The following SNX9 variants were observed in gnomAD, a reference collection of about 807,000 sequenced individuals.
SNX9 encodes the protein sorting nexin-9.
SNX9 carries 44 observed loss-of-function variants against 89.4 expected under a neutral mutation model. That is an observed-to-expected ratio of 0.49 (90% CI 0.39 to 0.63). The LOEUF (loss-of-function observed/expected upper bound fraction) is 0.63. Ranked by LOEUF, SNX9 falls within the 30% of genes least tolerant of loss-of-function variation. SNX9 has a pLI of 0.00. For synonymous variants in SNX9, 236 were observed against 247.8 expected (o/e 0.95, Z 0.45); for missense variants, 578 against 736.1 (o/e 0.79, Z 2.49).
intron 12 of SNX9, 35 bp downstream of exon 12, chr6:157,928,737 G>C (rs369231830): frequency 3.4e-5 from 50 of 1,489,680 alleles, no homozygotes; most frequent in Non-Finnish European, 4.4e-5. Context: ...TGGGCTCGTA[G>C]GGGGTGATGC....
intron 7 of SNX9, among the ~76,000 whole-genome samples, chr6:157,908,700 T>C (rs1783271478): frequency 6.6e-6 from 1 of 152,216 alleles, no homozygotes; most frequent in Non-Finnish European, 1.5e-5. Context: ...GCAGACCTAT[T>C]GTCACCTAGC....
chr6:157,921,783 G>A (rs928215918), intron 10 of SNX9, 122 bp downstream of exon 10: 3 of 1,150,388 alleles, frequency 2.6e-6, no homozygotes, highest in Non-Finnish European at 3.6e-6. Context: ...TCCAGTGACA[G>A]TGAGGGGACA....
intron 10 of SNX9, among the ~76,000 whole-genome samples, chr6:157,922,187 G>A (rs1262863239): frequency 6.6e-6 from 1 of 152,198 alleles, no homozygotes; most frequent in East Asian, 1.9e-4. Flanking sequence ...TAGTCTGCCA[G>A]TGGTCATCTG....
rs114008739 is a variant in SNX9, at chr6:157,912,154, A to G, written c.949+2129A>G. Among the ~76,000 whole-genome samples, 625 of 152,362 alleles carry G rather than the reference A, an allele frequency of 4.1e-3. 4 individuals carry two copies. The highest frequency in any genetic ancestry group is 0.014 in the African/African-American group (597 of 41,578). On this transcript the variant is annotated intron_variant, in intron 9 of 17. Coordinates refer to ENST00000392185, the MANE Select transcript of SNX9 (RefSeq NM_016224.5). ...TTCAATCACAGTTTTCTCTTAAAAA[A>G]TACAGATTTCTTTCCATGAAAACTT... is the stretch of plus-strand genomic sequence containing the variant.
chr6:157,849,761 GAA>G (rs1181697937), intron 1 of SNX9, among the ~76,000 whole-genome samples: 1 of 152,150 alleles, frequency 6.6e-6, no homozygotes, highest in East Asian at 1.9e-4. Flanking sequence ...GTTCCATCTA[GAA>G]GGCTGGGGAA....
chr6:157,848,293 C>T (rs1434551610), intron 1 of SNX9, among the ~76,000 whole-genome samples: 1 of 152,102 alleles, frequency 6.6e-6, no homozygotes, highest in Admixed American at 6.5e-5. Flanking sequence ...GCTTTACCCA[C>T]CCAGAGAATG....
At chr6:157,836,887 G>A (rs890418050) in intron 1 of SNX9, among the ~76,000 whole-genome samples, 70 of 152,220 alleles carry the variant, frequency 4.6e-4, no homozygotes, top group African/African-American at 1.6e-3. Flanking sequence ...CACCGCGCCC[G>A]GCCGAGAACA....
At chr6:157,852,430 C>T (rs956194987) in intron 1 of SNX9, among the ~76,000 whole-genome samples, 4 of 152,118 alleles carry the variant, frequency 2.6e-5, no homozygotes, top group African/African-American at 9.7e-5. Context: ...TCCCTCCCTC[C>T]CTTCCTCCTC....
chr6:157,923,428 T>TAAAA (rs71788446), intron 10 of SNX9, among the ~76,000 whole-genome samples: 1 of 148,180 alleles, frequency 6.7e-6, no homozygotes, highest in Non-Finnish European at 1.5e-5. Flanking sequence ...ATTGAAAATC[T>TAAAA]AAAAAAAAAA....
rs1784024375 is a variant in SNX9 at position 157,940,978 on chromosome 6, A to G, written c.1740+4A>G. 1 of 1,613,890 alleles carries G rather than the reference A, an allele frequency of 6.2e-7. No homozygotes were observed. On this transcript the variant is annotated splice_donor_region_variant and intron_variant, in intron 17 of 17. Transcript: ENST00000392185. ...GCAAGTGCAATTTTACGAAACGGTG[A>G]GTGGGCGTCCACGTGCCTTTCGCAT... is the stretch of plus-strand genomic sequence containing the variant.
chr6:157,882,075 G>T (rs1782636848), intron 4 of SNX9, among the ~76,000 whole-genome samples: 1 of 152,168 alleles, frequency 6.6e-6, no homozygotes, highest in South Asian at 2.1e-4. Flanking sequence ...AAGTTTCAAA[G>T]AACAGGCTGA....
At position 157,909,770 on chromosome 6, in the gene SNX9, G is replaced by A. The variant is rs370427895; in HGVS notation, c.811G>A (p.Glu271Lys). The A allele has an allele frequency of 5.6e-6, 9 of 1,614,010 alleles. No individual in the cohort carries two copies. Among genetic ancestry groups the A allele is most frequent in the Non-Finnish European group, 5.1e-6 (6 of 1,180,034 alleles). Residue 271 changes from glutamate (E) to lysine (K), a missense_variant, in exon 8 of 18, where the codon GAA (glutamate) becomes AAA (lysine). Glu to Lys is a moderately conservative substitution (Grantham distance 56). Around this residue, in one of 2 missense-constraint regions of SNX9, gnomAD observed 348 missense variants for 491.4 expected, o/e 0.71. Coordinates refer to ENST00000392185, the MANE Select transcript of SNX9 (RefSeq NM_016224.5). ...SKMYGLKSYI[E>K]YQLTPTNTNR... ...AATGTATGGTCTAAAGAGCTACATC[G>A]AATATCAGCTAACACCTACTGTAAG...
intron 2 of SNX9, among the ~76,000 whole-genome samples, chr6:157,869,932 C>G (rs1406779864): frequency 6.6e-6 from 1 of 152,062 alleles, no homozygotes; most frequent in Non-Finnish European, 1.5e-5. Flanking sequence ...ACCTCTCATG[C>G]TCTCATACAC....
chr6:157,831,688 C>T lies in SNX9; in HGVS notation c.12+8242C>T, dbSNP rs568433631. Among the ~76,000 whole-genome samples the T allele has an allele frequency of 3.7e-4, 56 of 152,350 alleles. No homozygotes were observed. In the East Asian group the frequency reaches 0.01, roughly 28 times the overall value. ...TCTCCCAGGGTTTCTGCTTTCACTTCCTTTGTGGCCTCTCCGGAGCCTTTC... is the reference window on the plus strand; with the variant it reads ...TCTCCCAGGGTTTCTGCTTTCACTTTCTTTGTGGCCTCTCCGGAGCCTTTC... On this transcript the variant is annotated intron_variant, in intron 1 of 17. Transcript: ENST00000392185.
chr6:157,890,775 C>T (rs1782841618), intron 4 of SNX9, among the ~76,000 whole-genome samples: 1 of 152,128 alleles, frequency 6.6e-6, no homozygotes, highest in Admixed American at 6.5e-5. Flanking sequence ...TTGTATATGT[C>T]GATTTTGTTT....
intron 2 of SNX9, among the ~76,000 whole-genome samples, chr6:157,871,373 A>T (rs1782407176): frequency 6.6e-6 from 1 of 152,086 alleles, no homozygotes; most frequent in Non-Finnish European, 1.5e-5. Context: ...AAAATGAGAC[A>T]GTGTCTCAAA....
At chr6:157,864,119 C>T (rs1782202045) in intron 1 of SNX9, among the ~76,000 whole-genome samples, 1 of 152,162 alleles carries the variant, frequency 6.6e-6, no homozygotes, top group Non-Finnish European at 1.5e-5. Context: ...GGTTCAAGAT[C>T]TAGGTGCTGG....
At chr6:157,849,394 G>C (rs544151028) in intron 1 of SNX9, among the ~76,000 whole-genome samples, 91 of 152,366 alleles carry the variant, frequency 6.0e-4, no homozygotes, top group Middle Eastern at 6.8e-3. Flanking sequence ...AGCACCTACT[G>C]TGTTCCAGGC....
intron 1 of SNX9, among the ~76,000 whole-genome samples, chr6:157,845,722 G>T (rs927815208): frequency 8.5e-5 from 13 of 152,138 alleles, no homozygotes; most frequent in African/African-American, 2.9e-4. Flanking sequence ...TGATTGTGTA[G>T]CATACAGGCT....
Sources: gnomAD v4.1 joint callset for allele counts (sites outside exome capture counted in the v4.1 genomes callset) on GRCh38, gnomAD v4.1.1 for gene constraint, gnomAD v4.1.1 regional missense constraint, MANE v1.5 for transcripts, NCBI Gene and HGNC (gene_info 2026-07-23, HGNC 2026-07-21) for gene names.